Variants in TMEM71 observed in about 807,000 individuals in gnomAD.
TMEM71 encodes the protein transmembrane protein 71.
TMEM71 carries 44 observed loss-of-function variants against 38.0 expected under a neutral mutation model. That is an observed-to-expected ratio of 1.16 (90% CI 0.91 to 1.49). TMEM71 has a LOEUF of 1.49. Ranked by LOEUF, TMEM71 falls within the 40% of genes most tolerant of loss-of-function variation. TMEM71 has a pLI of 0.00. For missense variants in TMEM71, 367 were observed against 348.6 expected, an observed-to-expected ratio of 1.05 and a Z score of -0.42; for synonymous variants, 133 against 122.5, an observed-to-expected ratio of 1.09 and a Z score of -0.56.
the TMEM71 span, among the ~76,000 whole-genome samples, chr8:132,770,017 A>G: frequency 1.3e-5 from 2 of 152,168 alleles, no homozygotes; most frequent in Non-Finnish European, 2.9e-5. Flanking sequence ...GGTGACTGTC[A>G]ATTTGTATAG....
chr8:132,722,608 T>C (rs4736604), intron 6 of TMEM71, among the ~76,000 whole-genome samples: 87,772 of 152,028 alleles, frequency 0.58, 28,189 homozygotes, highest in African/African-American at 0.87. Flanking sequence ...ATGATGAACT[T>C]GTCCAAGGTC....
At chr8:132,715,816 G>A (rs983183051) in intron 7 of TMEM71, among the ~76,000 whole-genome samples, 43 of 152,232 alleles carry the variant, frequency 2.8e-4, no homozygotes, top group African/African-American at 1.0e-3. Flanking sequence ...TATTTTCTTA[G>A]AGGAGGTGAA....
At chr8:132,728,123 C>T in intron 5 of TMEM71, 137 bp from the exon 6 acceptor site, 2 of 601,376 alleles carry the variant, frequency 3.3e-6, no homozygotes. Context: ...ATTGCACTAC[C>T]ATAGTGGGAT....
intron 7 of TMEM71, among the ~76,000 whole-genome samples, chr8:132,718,247 A>G (rs1468576629): frequency 6.6e-6 from 1 of 152,220 alleles, no homozygotes; most frequent in Non-Finnish European, 1.5e-5. Flanking sequence ...TTAAAAATAC[A>G]ATGAATAGCA....
intron 7 of TMEM71, among the ~76,000 whole-genome samples, chr8:132,716,460 A>T (rs1424790836): frequency 2.6e-5 from 4 of 152,214 alleles, no homozygotes; most frequent in Non-Finnish European, 5.9e-5. Flanking sequence ...GACCAGTCAG[A>T]CCTAACACCC....
chr8:132,750,196 G>T (rs74710233), intron 4 of TMEM71, among the ~76,000 whole-genome samples: 3,980 of 152,206 alleles, frequency 0.026, 185 homozygotes, highest in African/African-American at 0.092. Flanking sequence ...GAGGATAAGT[G>T]GTGCTTCTTT....
rs376231775 is a variant in TMEM71 at position 132,714,245 on chromosome 8, A to C, written c.753-30T>G. 3.2e-6 allele frequency: 5 copies of C among 1,554,394 alleles called. No individual in the cohort carries two copies. In the African/African-American group the frequency reaches 6.8e-5, roughly 21 times the overall value. ...AACAACAAGATTGCTCTGATTTAGC[A>C]TACTAATTGTGCATTTCCAACCTGT... On this transcript the variant is annotated intron_variant, in intron 7 of 9. Transcript: ENST00000677595.
At chr8:132,752,282 G>C (rs1014684377) in intron 3 of TMEM71, among the ~76,000 whole-genome samples, 81 of 152,276 alleles carry the variant, frequency 5.3e-4, no homozygotes, top group Non-Finnish European at 5.7e-4. Context: ...TTTGATGTTA[G>C]TCTATTGTAT....
chr8:132,720,867 G>A (rs796397343), intron 7 of TMEM71, among the ~76,000 whole-genome samples: 1 of 152,328 alleles, frequency 6.6e-6, no homozygotes, highest in East Asian at 1.9e-4. Context: ...CCCTGGCACT[G>A]AGGATACTGA....
Position 132,758,989 on chromosome 8 carries a change from A to G in TMEM71, c.-36-74T>C. 4 of 837,878 alleles carry G rather than the reference A, an allele frequency of 4.8e-6. No individual in the cohort carries two copies. The Admixed American group carries it at 5.7e-5, about 12-fold the overall frequency. The allele number at this position is 837,878 out of a possible 1,614,324, so 51.9% of individuals were successfully genotyped here. A position where few individuals can be genotyped will look rare whatever the true frequency, so the allele number is the denominator to read the frequency against. On this transcript the variant is annotated intron_variant, in intron 1 of 9. Transcript: ENST00000677595. Reference sequence around the variant, plus strand: ...AATTATGCCAAAACAGATGGCATCTACTAATTGCACTAGTCAGATTTGTTT... The same window carrying G: ...AATTATGCCAAAACAGATGGCATCTGCTAATTGCACTAGTCAGATTTGTTT...
chr8:132,775,379 C>G, the TMEM71 span: 1 of 367,320 alleles, frequency 2.7e-6, no homozygotes, highest in Non-Finnish European at 4.8e-6. Context: ...CGGGGCCCGG[C>G]GTCGCGTCAG....
chr8:132,751,844 A>G lies in TMEM71; in HGVS notation c.255T>C (p.Asp85=), dbSNP rs1828729641. The G allele has an allele frequency of 1.9e-6, 3 of 1,614,000 alleles. No homozygotes were observed. The highest frequency in any genetic ancestry group is 1.7e-6 in the Non-Finnish European group (2 of 1,180,042). Residue 85 remains aspartate (D), a synonymous_variant, in exon 4 of 10, where the codon GAT becomes GAC. Coordinates refer to ENST00000677595, the MANE Select transcript of TMEM71 (RefSeq NM_001382403.1). ...GGGATGGGTTCAGAGTTATGTTGCC[A>G]TCTTTGTCGCACAGGAAGCTGTCTT... ...WTEDSFLCDK[D]GNITLNPSQT...
At chr8:132,753,523 T>A (rs930588857) in intron 3 of TMEM71, among the ~76,000 whole-genome samples, 1 of 152,162 alleles carries the variant, frequency 6.6e-6, no homozygotes, top group Non-Finnish European at 1.5e-5. Context: ...TTCCATCTGC[T>A]GTATTTCCGA....
chr8:132,733,698 G>A (rs1356132284), intron 5 of TMEM71, among the ~76,000 whole-genome samples: 1 of 152,180 alleles, frequency 6.6e-6, no homozygotes, highest in Non-Finnish European at 1.5e-5. Flanking sequence ...AGGGGGCCCT[G>A]GACCATGCCC....
chr8:132,714,309 GGTT>G, intron 7 of TMEM71, 94 bp from the exon 8 acceptor site: 2 of 945,274 alleles, frequency 2.1e-6, no homozygotes, highest in Non-Finnish European at 3.4e-6. Context: ...ATGATTTCAA[GGTT>G]TACTATGAAA....
chr8:132,774,795 G>A, the TMEM71 span, among the ~76,000 whole-genome samples: 1 of 152,316 alleles, frequency 6.6e-6, no homozygotes, highest in African/African-American at 2.4e-5. Flanking sequence ...GTAGCCATAG[G>A]TTAAGGTTAT....
At position 132,738,022 on chromosome 8, in the gene TMEM71, C is replaced by G. The variant is rs192874709; in HGVS notation, c.487+8920G>C. On this transcript the variant is annotated intron_variant, in intron 5 of 9. Coordinates refer to ENST00000677595, the MANE Select transcript of TMEM71 (RefSeq NM_001382403.1). ...CATTGTCTGTTTTGATGATCCTCAG[C>G]TGTTCTTTTCTGCCTTTTTAGAGCT... 3.3e-5 allele frequency among the ~76,000 whole-genome samples: 5 copies of G among 152,290 alleles called. No homozygotes were observed. In the East Asian group the frequency reaches 9.6e-4, roughly 29 times the overall value.
rs2911949 is a variant in TMEM71 at position 132,741,610 on chromosome 8, C to A, written c.487+5332G>T. Among the ~76,000 whole-genome samples the A allele has an allele frequency of 3.3e-5, 5 of 150,394 alleles. No homozygotes were observed. In the South Asian group the frequency reaches 1.1e-3, roughly 32 times the overall value. The stretch of plus-strand genomic sequence containing the variant: ...CTGCCTGGCAGCCGAGGCAGAGAGA[C>A]AGAGGTGACAAAGAGAAAGACAGCT... On this transcript the variant is annotated intron_variant, in intron 5 of 9. Coordinates refer to ENST00000677595, the MANE Select transcript of TMEM71 (RefSeq NM_001382403.1).
intron 6 of TMEM71, among the ~76,000 whole-genome samples, chr8:132,726,165 T>A (rs1827129620): frequency 6.6e-6 from 1 of 151,956 alleles, no homozygotes; most frequent in Non-Finnish European, 1.5e-5. Flanking sequence ...CCAAGAAGGG[T>A]GGGCTCCCTG....
Sources: gnomAD v4.1 joint callset for allele counts (sites outside exome capture counted in the v4.1 genomes callset) on GRCh38, gnomAD v4.1.1 for gene constraint, MANE v1.5 for transcripts, NCBI Gene and HGNC (gene_info 2026-07-23, HGNC 2026-07-21) for gene names.